CHST11: variants seen among roughly 807,000 people sequenced by gnomAD.
CHST11 encodes C4S-1.
CHST11 carries 9 observed loss-of-function variants against 30.4 expected under a neutral mutation model. That is an observed-to-expected ratio of 0.30 (90% CI 0.18 to 0.52). The LOEUF (loss-of-function observed/expected upper bound fraction) is 0.52, where lower values mean the gene tolerates loss of function less well. CHST11 is among the 20% of genes least tolerant of loss of function. The pLI is 0.97. For synonymous variants in CHST11, 152 were observed against 187.8 expected, an observed-to-expected ratio of 0.81 and a Z score of 1.56; for missense variants, 348 against 460.6, an observed-to-expected ratio of 0.76 and a Z score of 2.24.
At chr12:104,577,168 T>A (rs1280359574) in intron 1 of CHST11, among the ~76,000 whole-genome samples, 1 of 151,358 alleles carries the variant, frequency 6.6e-6, no homozygotes, top group Admixed American at 6.6e-5. Context: ...GCTGGAAATA[T>A]CTGCCTGACA....
intron 2 of CHST11, among the ~76,000 whole-genome samples, chr12:104,734,318 T>C (rs745893783): frequency 6.6e-6 from 1 of 152,198 alleles, no homozygotes; most frequent in Non-Finnish European, 1.5e-5. Context: ...AGAAAGATGG[T>C]TGGCCTCAGG....
intron 2 of CHST11, among the ~76,000 whole-genome samples, chr12:104,728,557 C>A (rs1192923361): frequency 1.3e-5 from 2 of 152,198 alleles, no homozygotes; most frequent in Non-Finnish European, 1.5e-5. Flanking sequence ...TTCAGAGTTC[C>A]CAACTGTGTT....
intron 2 of CHST11, among the ~76,000 whole-genome samples, chr12:104,732,267 C>T (rs2040264260): frequency 6.6e-6 from 1 of 152,148 alleles, no homozygotes; most frequent in East Asian, 1.9e-4. Flanking sequence ...GTGCCATAAG[C>T]CAGACCCCAG....
intron 1 of CHST11, among the ~76,000 whole-genome samples, chr12:104,490,271 C>T (rs900569647): frequency 5.3e-5 from 8 of 152,142 alleles, no homozygotes; most frequent in Non-Finnish European, 2.9e-5. Flanking sequence ...CTAACTTTCC[C>T]ACCCTCTGGT....
chr12:104,724,644 G>A (rs559120868), intron 2 of CHST11, among the ~76,000 whole-genome samples: 5 of 152,182 alleles, frequency 3.3e-5, no homozygotes, highest in African/African-American at 4.8e-5. Context: ...GAGGCTCACC[G>A]TGGGCTTTCT....
intron 2 of CHST11, among the ~76,000 whole-genome samples, chr12:104,615,159 C>T (rs890299945): frequency 3.3e-5 from 5 of 152,192 alleles, no homozygotes; most frequent in African/African-American, 7.2e-5. Flanking sequence ...AGGGGTGTGA[C>T]GCCCCGGCCA....
chr12:104,569,727 G>A (rs143048306), intron 1 of CHST11, among the ~76,000 whole-genome samples: 2 of 152,170 alleles, frequency 1.3e-5, no homozygotes, highest in African/African-American at 4.8e-5. Context: ...CCAGTTTATG[G>A]AGCCACAGGG....
At chr12:104,486,926 A>G (rs921271226) in intron 1 of CHST11, among the ~76,000 whole-genome samples, 2 of 152,216 alleles carry the variant, frequency 1.3e-5, no homozygotes, top group African/African-American at 4.8e-5. Context: ...GCAATCCAAC[A>G]GCGCAAGGCT....
intron 2 of CHST11, among the ~76,000 whole-genome samples, chr12:104,604,462 G>A (rs769954900): frequency 1.3e-5 from 2 of 152,144 alleles, no homozygotes; most frequent in East Asian, 1.9e-4. Flanking sequence ...TCCATCCCAC[G>A]CAAGTTCAGT....
At chr12:104,635,734 C>A (rs1232713445) in intron 2 of CHST11, among the ~76,000 whole-genome samples, 1 of 152,182 alleles carries the variant, frequency 6.6e-6, no homozygotes, top group African/African-American at 2.4e-5. Context: ...TCCAAAGAAG[C>A]AAATTAGGGA....
At chr12:104,626,148 T>TTAGCTG (rs1469641919) in intron 2 of CHST11, among the ~76,000 whole-genome samples, 1 of 152,206 alleles carries the variant, frequency 6.6e-6, no homozygotes. Flanking sequence ...AGGCTCTTTA[T>TTAGCTG]TAGCTGTGGG....
At chr12:104,685,229 A>G (rs896831266) in intron 2 of CHST11, among the ~76,000 whole-genome samples, 6 of 152,218 alleles carry the variant, frequency 3.9e-5, no homozygotes, top group Non-Finnish European at 8.8e-5. Context: ...ATCTTAATAT[A>G]TAGCCTCCTG....
At chr12:104,487,220 A>G (rs965203027) in intron 1 of CHST11, among the ~76,000 whole-genome samples, 1 of 152,190 alleles carries the variant, frequency 6.6e-6, no homozygotes, top group Non-Finnish European at 1.5e-5. Flanking sequence ...TGCCTGATAC[A>G]TGCTATGCCA....
chr12:104,527,037 T>C (rs79277229), intron 1 of CHST11, among the ~76,000 whole-genome samples: 6,067 of 152,290 alleles, frequency 0.04, 427 homozygotes, highest in African/African-American at 0.14. Flanking sequence ...GGCTCTCCTC[T>C]TGCCAGTCCT....
intron 1 of CHST11, among the ~76,000 whole-genome samples, chr12:104,551,583 A>AGAAGG (rs1183235798): frequency 2.0e-5 from 3 of 152,142 alleles, no homozygotes; most frequent in Non-Finnish European, 4.4e-5. Flanking sequence ...AGTGTAACTT[A>AGAAGG]GAAGGGCATC....
intron 2 of CHST11, among the ~76,000 whole-genome samples, chr12:104,725,355 G>T (rs1188719785): frequency 6.6e-6 from 1 of 152,142 alleles, no homozygotes; most frequent in Admixed American, 6.5e-5. Flanking sequence ...CAGCAGTGAA[G>T]ACCTGGTTCT....
intron 2 of CHST11, among the ~76,000 whole-genome samples, chr12:104,708,527 AG>A (rs2040056402): frequency 6.6e-6 from 1 of 152,138 alleles, no homozygotes; most frequent in African/African-American, 2.4e-5. Flanking sequence ...GCTCTGTATG[AG>A]GAGTGACAGC....
intron 2 of CHST11, among the ~76,000 whole-genome samples, chr12:104,719,770 C>T (rs1370286662): frequency 6.6e-6 from 1 of 152,162 alleles, no homozygotes. Context: ...GATGGACTGG[C>T]CCTGGGCACT....
chr12:104,680,166 G>A (rs1313694063), intron 2 of CHST11, among the ~76,000 whole-genome samples: 1 of 152,188 alleles, frequency 6.6e-6, no homozygotes, highest in African/African-American at 2.4e-5. Context: ...CATACTTTCT[G>A]GTTGAGAGGA....
Sources: allele counts gnomAD v4.1 joint callset (sites outside exome capture counted in the v4.1 genomes callset), GRCh38; gene constraint gnomAD v4.1.1; transcripts MANE v1.5; gene names NCBI Gene and HGNC (gene_info 2026-07-23, HGNC 2026-07-21).